The following VPS13B variants were observed in gnomAD, a reference collection of about 807,000 sequenced individuals.
VPS13B encodes the protein intermembrane lipid transfer protein VPS13B.
VPS13B carries 285 observed loss-of-function variants against 426.4 expected under a neutral mutation model. The ratio of observed to expected loss-of-function variants is 0.67; its 90% CI spans 0.61 to 0.74. The LOEUF is 0.74. Among genes scored for constraint, VPS13B ranks in the 30% least tolerant of loss-of-function variants. The probability of loss-of-function intolerance (pLI) is 0.00; values close to 1 mark genes in which losing one functional copy is unlikely to be tolerated. For missense variants in VPS13B, 4,537 were observed against 4,782.6 expected (o/e 0.95, Z 1.51); for synonymous variants, 1,676 against 1,676.4 (o/e 1.00, Z 0.01).
At chr8:99,060,764 T>C (rs1245099340) in intron 3 of VPS13B, among the ~76,000 whole-genome samples, 2 of 152,206 alleles carry the variant, frequency 1.3e-5, no homozygotes, top group Non-Finnish European at 2.9e-5. Context: ...TTTTAGTTCT[T>C]GTTTGCCATA....
chr8:99,579,429 G>A (rs1825938044), intron 33 of VPS13B, among the ~76,000 whole-genome samples: 1 of 151,604 alleles, frequency 6.6e-6, no homozygotes, highest in South Asian at 2.1e-4. Context: ...ATGGAGTCTT[G>A]CACTGTCGCC....
intron 19 of VPS13B, among the ~76,000 whole-genome samples, chr8:99,367,362 G>C (rs1563691087): frequency 6.6e-6 from 1 of 152,202 alleles, no homozygotes; most frequent in East Asian, 1.9e-4. Context: ...AAAGTCTGCT[G>C]CCAGACATAT....
At chr8:99,379,043 C>A (rs571914576) in intron 19 of VPS13B, among the ~76,000 whole-genome samples, 8 of 152,218 alleles carry the variant, frequency 5.3e-5, no homozygotes, top group African/African-American at 1.7e-4. Context: ...GCTCTGCCTA[C>A]TGTCAGATCA....
intron 19 of VPS13B, among the ~76,000 whole-genome samples, chr8:99,310,447 T>C (rs1820892939): frequency 6.6e-6 from 1 of 152,236 alleles, no homozygotes; most frequent in African/African-American, 2.4e-5. Flanking sequence ...GAGATAATCA[T>C]GTGGTTTTTG....
chr8:99,336,209 G>T (rs541905054), intron 19 of VPS13B, among the ~76,000 whole-genome samples: 1 of 151,746 alleles, frequency 6.6e-6, no homozygotes, highest in Non-Finnish European at 1.5e-5. Flanking sequence ...AAATAACGCC[G>T]CATATCTACA....
intron 7 of VPS13B, among the ~76,000 whole-genome samples, chr8:99,116,564 G>C (rs769997789): frequency 1.1e-4 from 16 of 151,924 alleles, no homozygotes; most frequent in Non-Finnish European, 2.4e-4. Flanking sequence ...CTTCCAAATA[G>C]TTAGGGCTAC....
chr8:99,767,578 A>G (rs910084787), intron 40 of VPS13B, among the ~76,000 whole-genome samples: 26 of 151,158 alleles, frequency 1.7e-4, no homozygotes, highest in African/African-American at 5.6e-4. Flanking sequence ...CTCATACCCA[A>G]TGGATTTTAT....
At chr8:99,365,712 T>A (rs183830241) in intron 19 of VPS13B, among the ~76,000 whole-genome samples, 2 of 152,020 alleles carry the variant, frequency 1.3e-5, no homozygotes, top group African/African-American at 4.8e-5. Context: ...AGATGGGGTT[T>A]CACCATATTG....
chr8:99,394,039 C>T (rs979230183), intron 21 of VPS13B, among the ~76,000 whole-genome samples: 2 of 151,850 alleles, frequency 1.3e-5, no homozygotes, highest in African/African-American at 4.8e-5. Context: ...ATCTGCCTAC[C>T]TTTTTTGGTT....
chr8:99,026,607 TTATC>T (rs748133743), intron 2 of VPS13B, among the ~76,000 whole-genome samples: 47 of 152,214 alleles, frequency 3.1e-4, no homozygotes, highest in African/African-American at 1.0e-3. Flanking sequence ...AATATTTGCT[TTATC>T]TATCTGAGTG....
chr8:99,135,726 A>C lies in VPS13B; in HGVS notation c.1556A>C (p.His519Pro), dbSNP rs1309092803. The change falls in exon 11 of 62, where the codon CAT (histidine) becomes CCT (proline). Residue 519 changes from histidine to proline, a missense_variant. His to Pro is a moderately conservative substitution (Grantham distance 77). Transcript: ENST00000357162. ...GCAGAATTTATCTTGGATTCAACTC[A>C]TCATAAGGTTAGAGAATATATATTT... ...TRAEFILDST[H>P]HKETYTEIAG... The C allele has an allele frequency of 6.2e-7, 1 of 1,613,128 alleles. No individual in the cohort carries two copies. Among genetic ancestry groups the C allele is most frequent in the African/African-American group, 1.3e-5 (1 of 74,892 alleles).
At chr8:99,192,806 A>C in intron 16 of VPS13B, 70 bp from the exon 17 acceptor site, 1 of 1,555,308 alleles carries the variant, frequency 6.4e-7, no homozygotes, top group Non-Finnish European at 8.8e-7. Context: ...TTGCAACCTA[A>C]GTCATTTAGT....
chr8:99,576,569 T>C (rs1825785942), intron 32 of VPS13B, among the ~76,000 whole-genome samples: 1 of 152,152 alleles, frequency 6.6e-6, no homozygotes, highest in South Asian at 2.1e-4. Flanking sequence ...CTCTAAGCTG[T>C]CTCATTTGCA....
At chr8:99,454,348 T>C (rs867107228) in intron 23 of VPS13B, among the ~76,000 whole-genome samples, 1 of 152,156 alleles carries the variant, frequency 6.6e-6, no homozygotes, top group Non-Finnish European at 1.5e-5. Flanking sequence ...TTTTTAAATT[T>C]TTGTAGAGAC....
intron 16 of VPS13B, among the ~76,000 whole-genome samples, chr8:99,185,839 T>G (rs558418320): frequency 2.2e-4 from 33 of 152,314 alleles, no homozygotes; most frequent in African/African-American, 7.5e-4. Flanking sequence ...AATGCCCATT[T>G]GGTCCTGAAA....
chr8:99,620,381 G>A (rs1404197152), intron 33 of VPS13B, among the ~76,000 whole-genome samples: 3 of 152,064 alleles, frequency 2.0e-5, no homozygotes, highest in Non-Finnish European at 4.4e-5. Flanking sequence ...TTCCTGCATT[G>A]AAACTCCTTG....
At position 99,360,021 on chromosome 8, in the gene VPS13B, T is replaced by G. The variant is rs1812412154; in HGVS notation, c.2825-24187T>G. On this transcript the variant is annotated intron_variant, in intron 19 of 61. Transcript: ENST00000357162. ...TTTCACCACATTGGCCAGGCTGGTC[T>G]CAAACTCCCAACCTCAAGTGATCTG... Among the ~76,000 whole-genome samples the G allele has an allele frequency of 2.0e-5, 3 of 151,774 alleles. No homozygotes were observed. The South Asian group carries it at 6.2e-4, about 32-fold the overall frequency.
chr8:99,842,077 A>C (rs1815718853), intron 54 of VPS13B, among the ~76,000 whole-genome samples: 1 of 152,170 alleles, frequency 6.6e-6, no homozygotes, highest in South Asian at 2.1e-4. Flanking sequence ...TAATTCTTCC[A>C]TAGCATGGTT....
intron 17 of VPS13B, among the ~76,000 whole-genome samples, chr8:99,251,497 G>C (rs1588175207): frequency 6.6e-6 from 1 of 152,220 alleles, no homozygotes; most frequent in East Asian, 1.9e-4. Flanking sequence ...CAGTCATCCA[G>C]TTCTGGAATG....
Sources: gnomAD v4.1 joint callset for allele counts (sites outside exome capture counted in the v4.1 genomes callset) on GRCh38, gnomAD v4.1.1 for gene constraint, MANE v1.5 for transcripts, NCBI Gene and HGNC (gene_info 2026-07-23, HGNC 2026-07-21) for gene names.